Variants in RAD51B observed in about 807,000 individuals in gnomAD.
The protein encoded by RAD51B is DNA repair protein RAD51 homolog 2.
Under a neutral mutation model 42.2 loss-of-function variants are expected in RAD51B, and 38 were observed. The observed-to-expected ratio is 0.90, with a 90% CI of 0.70 to 1.18. The LOEUF is 1.18. Ranked by LOEUF, RAD51B falls within the 50% of genes most tolerant of loss-of-function variation. RAD51B has a pLI of 0.00. For synonymous variants in RAD51B, 154 were observed against 145.2 expected, an observed-to-expected ratio of 1.06 and a Z score of -0.43; for missense variants, 373 against 400.7, an observed-to-expected ratio of 0.93 and a Z score of 0.59.
At chr14:67,834,688 A>C (rs8017013) in intron 3 of RAD51B, among the ~76,000 whole-genome samples, 50,564 of 151,994 alleles carry the variant, frequency 0.33, 8,817 homozygotes, top group Middle Eastern at 0.45. Flanking sequence ...GGAATAGTCA[A>C]ATTTCCTTTG....
rs558907279 is a variant in RAD51B at position 68,088,639 on chromosome 14, A to C, written c.756+201435A>C. Among the ~76,000 whole-genome samples the C allele has an allele frequency of 1.1e-4, 14 of 128,716 alleles. No individual in the cohort carries two copies. The South Asian group carries it at 3.8e-3, about 35-fold the overall frequency. The allele number at this position is 128,716 out of a possible 152,430, so 84.4% of individuals were successfully genotyped here. A position where few individuals can be genotyped will look rare whatever the true frequency, so the allele number is the denominator to read the frequency against. ...GTGTGTGAGACAGAGAGAGAGAGAG[A>C]GACAGAGAGAGAGAGGTGGGGGGGA... On this transcript the variant is annotated intron_variant, in intron 7 of 10. Coordinates refer to ENST00000471583, the MANE Select transcript of RAD51B (RefSeq NM_133510.4).
chr14:68,639,872 C>G (rs1892420948), intron 10 of RAD51B, among the ~76,000 whole-genome samples: 1 of 152,132 alleles, frequency 6.6e-6, no homozygotes, highest in South Asian at 2.1e-4. Flanking sequence ...TCACTGCTGC[C>G]TCCATCTCCT....
intron 8 of RAD51B, among the ~76,000 whole-genome samples, chr14:68,349,459 C>T (rs1228944371): frequency 6.6e-6 from 1 of 152,118 alleles, no homozygotes; most frequent in Non-Finnish European, 1.5e-5. Context: ...CTCCGCCTCC[C>T]AGGTTCAAGC....
At chr14:68,626,807 C>T (rs1892093399) in intron 10 of RAD51B, among the ~76,000 whole-genome samples, 1 of 152,144 alleles carries the variant, frequency 6.6e-6, no homozygotes, top group Non-Finnish European at 1.5e-5. Context: ...ATAGGTAGAC[C>T]AGATTTAAGA....
chr14:68,674,411 A>T (rs1893261679), intron 11 of RAD51B, among the ~76,000 whole-genome samples: 1 of 152,124 alleles, frequency 6.6e-6, no homozygotes, highest in Non-Finnish European at 1.5e-5. Flanking sequence ...ATTCTAATGT[A>T]TCATACATAT....
chr14:68,326,289 C>G (rs986612948), intron 8 of RAD51B, among the ~76,000 whole-genome samples: 3 of 152,034 alleles, frequency 2.0e-5, no homozygotes, highest in Non-Finnish European at 4.4e-5. Flanking sequence ...ATCCACCTGC[C>G]TCGGCCTCCC....
chr14:67,997,384 G>A (rs912241362), intron 7 of RAD51B, among the ~76,000 whole-genome samples: 1 of 152,104 alleles, frequency 6.6e-6, no homozygotes, highest in Non-Finnish European at 1.5e-5. Context: ...CAAGAGTATA[G>A]TATTCTGGAA....
intron 7 of RAD51B, among the ~76,000 whole-genome samples, chr14:68,087,921 TA>T (rs2077016676): frequency 3.4e-5 from 4 of 115,994 alleles, no homozygotes; most frequent in African/African-American, 1.6e-4. Context: ...TATAATATAT[TA>T]TATATAATTA....
At chr14:68,521,505 T>C (rs1886577866) in intron 10 of RAD51B, among the ~76,000 whole-genome samples, 1 of 152,226 alleles carries the variant, frequency 6.6e-6, no homozygotes, top group Admixed American at 6.5e-5. Flanking sequence ...TGTGTAGGTA[T>C]TAGGAAGAGA....
chr14:68,409,545 C>T (rs1359992600), intron 8 of RAD51B, among the ~76,000 whole-genome samples: 2 of 152,124 alleles, frequency 1.3e-5, no homozygotes, highest in African/African-American at 4.8e-5. Context: ...GAGTAATCAA[C>T]ATGGTAAAAG....
At chr14:68,290,562 C>T (rs1482886919) in intron 7 of RAD51B, among the ~76,000 whole-genome samples, 1 of 152,082 alleles carries the variant, frequency 6.6e-6, no homozygotes, top group Admixed American at 6.5e-5. Context: ...ATGTTATGAA[C>T]TTTATTTTGT....
chr14:67,962,164 G>T (rs1049435595), intron 7 of RAD51B, among the ~76,000 whole-genome samples: 6 of 152,054 alleles, frequency 3.9e-5, no homozygotes, highest in Non-Finnish European at 7.4e-5. Flanking sequence ...GAATAATCAC[G>T]GTAAACACAG....
At chr14:68,056,866 G>A (rs925699735) in intron 7 of RAD51B, among the ~76,000 whole-genome samples, 1 of 151,938 alleles carries the variant, frequency 6.6e-6, no homozygotes, top group African/African-American at 2.4e-5. Flanking sequence ...ATCACCTGAG[G>A]TCAGGAGTTC....
Position 68,078,714 on chromosome 14 carries a change from A to G in RAD51B, c.756+191510A>G, listed in dbSNP as rs180964959. Among the ~76,000 whole-genome samples the G allele has an allele frequency of 2.5e-3, 387 of 152,282 alleles. 3 individuals carry two copies. The highest frequency in any genetic ancestry group is 9.1e-3 in the African/African-American group (379 of 41,568). ...ATATTTAATTATAACTTGGGGCTGG[A>G]CACGGTGGCTCATGCCCGTAGTCCC... On this transcript the variant is annotated intron_variant, in intron 7 of 10. Coordinates refer to ENST00000471583, the MANE Select transcript of RAD51B (RefSeq NM_133510.4).
rs981944773 is a variant in RAD51B, at chr14:68,505,998, G to A, written c.1036+37748G>A. On this transcript the variant is annotated intron_variant, in intron 10 of 10. Coordinates refer to the RAD51B transcript ENST00000487270. ...CTTTTCTTGTGGGCCAAAATCCCTA[G>A]AGGGATAGTGGCCACTTGGGGTCCA... Among the ~76,000 whole-genome samples, 7 of 152,300 alleles carry A rather than the reference G, an allele frequency of 4.6e-5. No homozygotes were observed. The South Asian group carries it at 1.5e-3, about 32-fold the overall frequency.
intron 7 of RAD51B, among the ~76,000 whole-genome samples, chr14:68,209,421 G>A (rs2079656402): frequency 6.6e-6 from 1 of 152,246 alleles, no homozygotes; most frequent in East Asian, 1.9e-4. Flanking sequence ...GGCTTCCAGG[G>A]CCTCATATTT....
chr14:67,941,300 A>G (rs573089908), intron 7 of RAD51B, among the ~76,000 whole-genome samples: 15 of 152,224 alleles, frequency 9.9e-5, no homozygotes, highest in Admixed American at 3.3e-4. Context: ...AACTTTTTCA[A>G]TTGTGTGTGG....
intron 10 of RAD51B, among the ~76,000 whole-genome samples, chr14:68,575,547 T>C (rs1304787804): frequency 2.0e-5 from 3 of 152,174 alleles, no homozygotes; most frequent in Non-Finnish European, 2.9e-5. Flanking sequence ...CCCAGAGCCT[T>C]GCGGCATGGT....
Position 68,129,730 on chromosome 14 carries a change from C to T in RAD51B, c.757-162154C>T, listed in dbSNP as rs374497473. On this transcript the variant is annotated intron_variant, in intron 7 of 10. Coordinates refer to ENST00000471583, the MANE Select transcript of RAD51B (RefSeq NM_133510.4). ...CTGTGCCTACAAGCAGAGTGTACTC[C>T]AGTGGTTCTCAAACTTTAGTATATA... Among the ~76,000 whole-genome samples the T allele has an allele frequency of 2.4e-4, 37 of 152,268 alleles. No homozygotes were observed. In the East Asian group the frequency reaches 2.9e-3, roughly 12 times the overall value.
Sources: allele counts gnomAD v4.1 joint callset (sites outside exome capture counted in the v4.1 genomes callset), GRCh38; gene constraint gnomAD v4.1.1; transcripts MANE v1.5; gene names NCBI Gene and HGNC (gene_info 2026-07-23, HGNC 2026-07-21).